HIPK3: variants seen among roughly 807,000 people sequenced by gnomAD.
HIPK3 encodes the protein homeodomain-interacting protein kinase 3.
Under a neutral mutation model 124.2 loss-of-function variants are expected in HIPK3, and 47 were observed. The ratio of observed to expected loss-of-function variants is 0.38; its 90% CI spans 0.30 to 0.48. The LOEUF is 0.48. Among genes scored for constraint, HIPK3 ranks in the 20% least tolerant of loss-of-function variants. HIPK3 has a pLI of 0.98. For missense variants in HIPK3, 1,286 were observed against 1,454.3 expected (o/e 0.88, Z 1.88); for synonymous variants, 482 against 515.2 (o/e 0.94, Z 0.87).
At chr11:33,337,289 A>G (rs1263434335) in intron 4 of HIPK3, 95 bp downstream of exon 4, 7 of 595,080 alleles carry the variant, frequency 1.2e-5, no homozygotes, top group East Asian at 6.8e-5. Context: ...ACATTTTACT[A>G]TATTTCTTCC....
intron 1 of HIPK3, among the ~76,000 whole-genome samples, chr11:33,261,219 T>C (rs1168192637): frequency 1.3e-5 from 2 of 148,872 alleles, no homozygotes; most frequent in African/African-American, 4.9e-5. Context: ...TTTTTTTTCT[T>C]TTTAAACTTT....
chr11:33,351,299 C>T (rs902781259), intron 14 of HIPK3, among the ~76,000 whole-genome samples: 2 of 151,522 alleles, frequency 1.3e-5, no homozygotes, highest in Admixed American at 6.6e-5. Flanking sequence ...ATGAAATTAT[C>T]TGGAATTTAT....
At chr11:33,313,188 T>G (rs1334854100) in intron 2 of HIPK3, among the ~76,000 whole-genome samples, 1 of 152,174 alleles carries the variant, frequency 6.6e-6, no homozygotes, top group Non-Finnish European at 1.5e-5. Context: ...TTGAAGGATA[T>G]TATACAAAAT....
chr11:33,331,182 C>G (rs1215076626), intron 3 of HIPK3, among the ~76,000 whole-genome samples: 7 of 152,174 alleles, frequency 4.6e-5, no homozygotes, highest in African/African-American at 7.2e-5. Context: ...TGCGCCTGGC[C>G]ACATATGTTT....
chr11:33,299,266 G>T (rs2133922833), intron 2 of HIPK3, among the ~76,000 whole-genome samples: 1 of 151,836 alleles, frequency 6.6e-6, no homozygotes, highest in Admixed American at 6.6e-5. Context: ...GAGGTCAGGA[G>T]TTCAAGACCA....
intron 5 of HIPK3, 128 bp downstream of exon 5, chr11:33,338,971 A>G: frequency 1.8e-6 from 1 of 562,192 alleles, no homozygotes; most frequent in Non-Finnish European, 3.1e-6. Context: ...AGTTTTTCAA[A>G]TGAAACTGAT....
At chr11:33,300,775 C>G (rs933434963) in intron 2 of HIPK3, among the ~76,000 whole-genome samples, 1 of 152,064 alleles carries the variant, frequency 6.6e-6, no homozygotes, top group Non-Finnish European at 1.5e-5. Flanking sequence ...CACTCAGTCA[C>G]CCAGACTGGA....
At chr11:33,264,053 A>G (rs993659771) in intron 1 of HIPK3, among the ~76,000 whole-genome samples, 2 of 152,178 alleles carry the variant, frequency 1.3e-5, no homozygotes, top group African/African-American at 2.4e-5. Context: ...TCTGATATCT[A>G]TGTCTGTCAC....
chr11:33,340,121 C>T (rs970470384), intron 6 of HIPK3, among the ~76,000 whole-genome samples: 10 of 152,162 alleles, frequency 6.6e-5, no homozygotes, highest in African/African-American at 2.2e-4. Context: ...CTGTCAGTTG[C>T]CCAGGCTGGA....
chr11:33,339,374 G>A lies in HIPK3; in HGVS notation c.1453G>A (p.Gly485Arg). 1 of 1,613,334 alleles carries A rather than the reference G, an allele frequency of 6.2e-7. No homozygotes were observed. The highest frequency in any genetic ancestry group is 1.3e-5 in the African/African-American group (1 of 75,020). ...AHVNTVMDLE[G>R]SDLLAEKADR... Reference sequence around the variant, plus strand: ...GGTGAACACAGTGATGGATTTGGAAGGAAGTGATCTTTTGGCTGAGAAAGC... The same window carrying A: ...GGTGAACACAGTGATGGATTTGGAAAGAAGTGATCTTTTGGCTGAGAAAGC... Residue 485 changes from glycine to arginine, a missense_variant, in exon 6 of 17, where the codon GGA becomes AGA. Physicochemically the swap from Gly to Arg is moderately radical, Grantham distance 125. Coordinates refer to ENST00000303296, the MANE Select transcript of HIPK3 (RefSeq NM_005734.5).
chr11:33,272,445 C>A (rs1851152396), intron 1 of HIPK3, among the ~76,000 whole-genome samples: 1 of 151,802 alleles, frequency 6.6e-6, no homozygotes, highest in South Asian at 2.1e-4. Flanking sequence ...TTTGTGGGTA[C>A]TGTCTTGAGA....
intron 2 of HIPK3, among the ~76,000 whole-genome samples, chr11:33,299,962 C>T (rs1478204374): frequency 7.4e-5 from 10 of 135,894 alleles, no homozygotes; most frequent in Admixed American, 4.2e-4. Context: ...GCAGAGGTTG[C>T]GGTGAGCAGA....
chr11:33,283,345 C>T (rs1404121992), intron 1 of HIPK3, among the ~76,000 whole-genome samples: 2 of 152,106 alleles, frequency 1.3e-5, no homozygotes, highest in South Asian at 2.1e-4. Flanking sequence ...CTCCTGACCT[C>T]GTGATCCGCC....
In HIPK3 at chr11:33,295,153, AC is replaced by A. The variant is rs1420476929; in HGVS notation, c.1097+7645del. Among the ~76,000 whole-genome samples the A allele has an allele frequency of 4.6e-5, 7 of 152,178 alleles. No individual in the cohort carries two copies. The East Asian group carries it at 1.4e-3, about 29-fold the overall frequency. On this transcript the variant is annotated intron_variant, in intron 2 of 16. Coordinates refer to ENST00000303296, the MANE Select transcript of HIPK3 (RefSeq NM_005734.5). Reference sequence around the variant, plus strand: ...AAGGTGGCTGAGATAATGAGAATAGACCCATTTGGGAGGATCATAAAATGTG... The same window carrying A: ...AAGGTGGCTGAGATAATGAGAATAGACCATTTGGGAGGATCATAAAATGTG...
chr11:33,311,859 C>CACACACACACACACACACT (rs1852349656), intron 2 of HIPK3, among the ~76,000 whole-genome samples: 1 of 148,260 alleles, frequency 6.7e-6, no homozygotes. Flanking sequence ...CACACACACA[C>CACACACACACACACACACT]ACACACACAC....
rs1297029564 is a variant in HIPK3 at position 33,337,061 on chromosome 11, A to C, written c.1222-14A>C. The C allele has an allele frequency of 6.3e-7, 1 of 1,581,934 alleles. No individual in the cohort carries two copies. The highest frequency in any genetic ancestry group is 8.6e-7 in the Non-Finnish European group (1 of 1,158,454). ...GAAAGAATAAACTATTCTGTTCTGT[A>C]AATTATTTTTCAGATTCGATACATT... On this transcript the variant is annotated splice_polypyrimidine_tract_variant and intron_variant, in intron 3 of 16. Transcript: ENST00000303296.
chr11:33,311,473 C>G (rs905114252), intron 2 of HIPK3, among the ~76,000 whole-genome samples: 1 of 152,138 alleles, frequency 6.6e-6, no homozygotes, highest in Non-Finnish European at 1.5e-5. Flanking sequence ...AGCCACCATG[C>G]CTGGCCTTTT....
intron 2 of HIPK3, among the ~76,000 whole-genome samples, chr11:33,321,009 G>A (rs1370890552): frequency 6.6e-6 from 1 of 152,166 alleles, no homozygotes; most frequent in Non-Finnish European, 1.5e-5. Flanking sequence ...TGCACATAGA[G>A]AGGATAGATT....
At chr11:33,260,015 A>G (rs1428653653) in intron 1 of HIPK3, among the ~76,000 whole-genome samples, 2 of 152,142 alleles carry the variant, frequency 1.3e-5, no homozygotes, top group African/African-American at 4.8e-5. Context: ...TACTTAGTTT[A>G]TTGTCAAAAT....
Sources: gnomAD v4.1 joint callset for allele counts (sites outside exome capture counted in the v4.1 genomes callset) on GRCh38, gnomAD v4.1.1 for gene constraint, MANE v1.5 for transcripts, NCBI Gene and HGNC (gene_info 2026-07-23, HGNC 2026-07-21) for gene names.